The following VPS11 variants were observed in gnomAD, a reference collection of about 807,000 sequenced individuals.
VPS11 encodes the protein VPS11 core subunit of CORVET and HOPS complexes, also known as vacuolar protein sorting-associated protein 11 homolog.
A neutral mutation model predicts 106.8 loss-of-function variants in VPS11; 51 were observed. The ratio of observed to expected loss-of-function variants is 0.48; its 90% CI spans 0.38 to 0.60. VPS11 has a LOEUF of 0.60. Ranked by LOEUF, VPS11 falls within the 20% of genes least tolerant of loss-of-function variation. VPS11 has a pLI of 0.00. For missense variants in VPS11, 950 were observed against 1,190.0 expected (o/e 0.80, Z 2.97); for synonymous variants, 453 against 458.7 (o/e 0.99, Z 0.16).
chr11:119,073,912 G>A lies in VPS11; in HGVS notation c.1199G>A (p.Ser400Asn), dbSNP rs782414655. 6.2e-7 allele frequency: 1 copy of A among 1,613,506 alleles called. No homozygotes were observed. The highest frequency in any genetic ancestry group is 1.3e-5 in the African/African-American group (1 of 74,924). Residue 400 changes from serine to asparagine, a missense_variant, in exon 7 of 16, where the codon AGC becomes AAC. Physicochemically the swap from Ser to Asn is conservative, Grantham distance 46 (BLOSUM62 1). Transcript: ENST00000621676. The stretch of plus-strand genomic sequence containing the variant: ...ATGCAGTATGGAGACCATCTCTACA[G>A]CAAGGGCAACCACGATGGGGCTGTC... ...IFMQYGDHLY[S>N]KGNHDGAVQQ...
At chr11:119,080,110 G>A (rs1945794350) in intron 14 of VPS11, among the ~76,000 whole-genome samples, 1 of 152,080 alleles carries the variant, frequency 6.6e-6, no homozygotes, top group Non-Finnish European at 1.5e-5. Flanking sequence ...CCAGGCTAGA[G>A]TGCAGTGGCG....
chr11:119,079,011 CAGAT>C lies in VPS11; in HGVS notation c.2266+15_2266+18del, dbSNP rs1945747832. 5 of 1,613,636 alleles carry C rather than the reference CAGAT, an allele frequency of 3.1e-6. No homozygotes were observed. The highest frequency in any genetic ancestry group is 2.2e-5 in the East Asian group (1 of 44,898). ...CACCTCTTCTAGGTACTTGGGAAGA[CAGAT>C]GGGTGGGTGACAAGCTGCTGACAGC... On this transcript the variant is annotated intron_variant, in intron 13 of 15. Transcript: ENST00000621676.
At position 119,081,874 on chromosome 11, in the gene VPS11, T is replaced by C. The variant is rs1472142837; in HGVS notation, c.*251T>C. ...GGAGGGCACCTCAGCAACCTCTGAG[T>C]GTGGACAATAGCTGCTTTCTTCTCT... On this transcript the variant is annotated 3_prime_UTR_variant, in exon 16 of 16. Coordinates refer to ENST00000621676, the MANE Select transcript of VPS11 (RefSeq NM_021729.6). 1.9e-6 allele frequency: 1 copy of C among 521,070 alleles called. No homozygotes were observed. The highest frequency in any genetic ancestry group is 1.9e-5 in the African/African-American group (1 of 52,600). 32.3% of individuals were successfully genotyped at this position (521,070 alleles called of 1,614,324 possible).
In VPS11 at chr11:119,070,355, A is replaced by G; in HGVS notation, c.594A>G (p.Gly198=). ...PVTGLAFRQA[G]KTTHLFVVTT... ...CTGGATTGGCCTTTCGCCAAGCAGG[A>G]AAGACCACTCACTTGTTTGTTGTGA... The change falls in exon 4 of 16, where the codon GGA becomes GGG. Residue 198 remains glycine (G), a synonymous_variant. Coordinates refer to ENST00000621676, the MANE Select transcript of VPS11 (RefSeq NM_021729.6). The G allele has an allele frequency of 6.2e-7, 1 of 1,613,472 alleles. No individual in the cohort carries two copies. Among genetic ancestry groups the G allele is most frequent in the East Asian group, 2.2e-5 (1 of 44,886 alleles).
At chr11:119,079,775 A>T (rs782441732) in intron 14 of VPS11, among the ~76,000 whole-genome samples, 1 of 152,028 alleles carries the variant, frequency 6.6e-6, no homozygotes, top group African/African-American at 2.4e-5. Flanking sequence ...GGGGTTTATA[A>T]TGTTGGCCAG....
At position 119,078,299 on chromosome 11, in the gene VPS11, C is replaced by T. The variant is rs1194914467; in HGVS notation, c.1888C>T (p.Arg630Ter). The T allele has an allele frequency of 6.2e-7, 1 of 1,612,724 alleles. No individual in the cohort carries two copies. Among genetic ancestry groups the T allele is most frequent in the Non-Finnish European group, 8.5e-7 (1 of 1,179,874 alleles). Residue 630 changes from arginine to a stop codon, truncating the protein, a stop_gained, in exon 11 of 16, where the codon CGA becomes TGA. Transcript: ENST00000621676. LOFTEE classifies it high-confidence loss of function. The part of the protein sequence containing the change: ...QGIYDTLLEL[R>*]LQNWAHEKDP... ...GATCTACGACACACTCCTTGAGCTG[C>T]GACTGCAGAACTGGGCCCACGAGAA...
At chr11:119,081,426 G>T (rs782523523) in intron 15 of VPS11, 33 bp from the exon 16 acceptor site, 2 of 1,613,498 alleles carry the variant, frequency 1.2e-6, no homozygotes, top group South Asian at 2.2e-5. Context: ...CTTTGATTCT[G>T]ATTCGTATTC....
chr11:119,077,662 C>G lies in VPS11; in HGVS notation c.1572+15C>G. On this transcript the variant is annotated intron_variant, in intron 9 of 15. Coordinates refer to ENST00000621676, the MANE Select transcript of VPS11 (RefSeq NM_021729.6). The stretch of plus-strand genomic sequence containing the variant: ...AAGACATTAAGGTAGGTGAGACTGT[C>G]TTTTTTCCCCAAGAGACAGGGTCTC... The G allele has an allele frequency of 6.3e-7, 1 of 1,574,818 alleles. No homozygotes were observed.
At chr11:119,073,690 A>T in intron 6 of VPS11, 110 bp from the exon 7 acceptor site, 1 of 1,241,220 alleles carries the variant, frequency 8.1e-7, no homozygotes, top group Non-Finnish European at 1.1e-6. Context: ...TCTAGGATCT[A>T]GGCAGATCAG....
In VPS11 at chr11:119,076,096, T is replaced by C. The variant is rs192253779; in HGVS notation, c.1239-801T>C. 8.7e-4 allele frequency among the ~76,000 whole-genome samples: 132 copies of C among 151,756 alleles called. No homozygotes were observed. In the East Asian group the frequency reaches 0.015, roughly 18 times the overall value. ...CAAAAATTAGCTGGGTGTGGTGGCA[T>C]GCACCTGTAGTCCCAGCTACTCGGG... On this transcript the variant is annotated intron_variant, in intron 7 of 15. Transcript: ENST00000621676.
chr11:119,081,847 G>A lies in VPS11; in HGVS notation c.*224G>A. ...CAGTGTAGATCATTCCAGATCAGTG[G>A]GGGAGGGCACCTCAGCAACCTCTGA... On this transcript the variant is annotated 3_prime_UTR_variant, in exon 16 of 16. Coordinates refer to ENST00000621676, the MANE Select transcript of VPS11 (RefSeq NM_021729.6). The A allele has an allele frequency of 1.7e-6, 1 of 592,838 alleles. No homozygotes were observed. The highest frequency in any genetic ancestry group is 2.8e-6 in the Non-Finnish European group (1 of 353,074). 36.7% of individuals were successfully genotyped at this position (592,838 alleles called of 1,614,324 possible). A position where few individuals can be genotyped will look rare whatever the true frequency, so the allele number is the denominator to read the frequency against.
Position 119,069,237 on chromosome 11 carries a change from C to A in VPS11, c.229C>A (p.Leu77Ile). 1 of 1,614,000 alleles carries A rather than the reference C, an allele frequency of 6.2e-7. No individual in the cohort carries two copies. Among genetic ancestry groups the A allele is most frequent in the Non-Finnish European group, 8.5e-7 (1 of 1,179,896 alleles). Residue 77 changes from leucine to isoleucine, a missense_variant, in exon 2 of 16, where the codon CTT becomes ATT. Leu to Ile is a conservative substitution (Grantham distance 5, BLOSUM62 2). This residue lies in a region of VPS11 where 435 missense variants were observed against 630.2 expected (regional missense o/e 0.69). Transcript: ENST00000621676. The part of the protein sequence containing the change: ...QIWFLPRSLQ[L>I]TGFQAYKLRV... ...CTGGTTCTTGCCACGTTCCCTACAG[C>A]TTACAGGCTTCCAAGCCTACAAACT...
Position 119,081,815 on chromosome 11 carries a change from T to A in VPS11, c.*192T>A. 4.1e-6 allele frequency: 3 copies of A among 734,970 alleles called. No homozygotes were observed. The highest frequency in any genetic ancestry group is 6.5e-6 in the Non-Finnish European group (3 of 460,522). The allele number at this position is 734,970 out of a possible 1,614,324, so 45.5% of individuals were successfully genotyped here. ...TTAGTCAGCTTGCCATCCCTCCTCT[T>A]CACTAGCAGTGTAGATCATTCCAGA... On this transcript the variant is annotated 3_prime_UTR_variant, in exon 16 of 16. Transcript: ENST00000621676.
intron 3 of VPS11, 22 bp from the exon 4 acceptor site, chr11:119,070,212 T>G: frequency 6.3e-7 from 1 of 1,594,492 alleles, no homozygotes; most frequent in African/African-American, 1.3e-5. Flanking sequence ...CTTACTGAAG[T>G]AATTTTCTTG....
At chr11:119,071,930 T>G in intron 5 of VPS11, 87 bp downstream of exon 5, 3 of 1,510,552 alleles carry the variant, frequency 2.0e-6, no homozygotes, top group Non-Finnish European at 2.7e-6. Context: ...GCCTGGATAC[T>G]GCCAATCTCC....
Position 119,073,926 on chromosome 11 carries a change from G to A in VPS11, c.1213G>A (p.Asp405Asn), listed in dbSNP as rs1459874086. The stretch of plus-strand genomic sequence containing the variant: ...CCATCTCTACAGCAAGGGCAACCAC[G>A]ATGGGGCTGTCCAGCAATATATCCG... ...GDHLYSKGNH[D>N]GAVQQYIRTI... Residue 405 changes from aspartate to asparagine, a missense_variant, in exon 7 of 16, where the codon GAT becomes AAT. Asp to Asn is a conservative substitution (Grantham distance 23). This residue lies in a region of VPS11 where 435 missense variants were observed against 630.2 expected (regional missense o/e 0.69). Coordinates refer to ENST00000621676, the MANE Select transcript of VPS11 (RefSeq NM_021729.6). The A allele has an allele frequency of 1.9e-6, 3 of 1,613,240 alleles. No homozygotes were observed. Among genetic ancestry groups the A allele is most frequent in the East Asian group, 4.5e-5 (2 of 44,868 alleles).
chr11:119,074,094 T>C (rs1412122676), intron 7 of VPS11, 143 bp downstream of exon 7: 2 of 1,050,372 alleles, frequency 1.9e-6, no homozygotes, highest in African/African-American at 3.2e-5. Context: ...TTTTTGTTAG[T>C]TTTTTTTTGA....
Position 119,069,559 on chromosome 11 carries a change from C to T in VPS11, c.454C>T (p.Leu152Phe), listed in dbSNP as rs1945289335. ...ATCTTGTTTGACTGTCCATGAAAAT[C>T]TCAACTTTATGGCCATTGGTAAACA... Reference protein sequence around the residue: ...VVSCLTVHENLNFMAIGFTDG... With the variant: ...VVSCLTVHENFNFMAIGFTDG... Residue 152 changes from leucine (L) to phenylalanine (F), a missense_variant, in exon 3 of 16, where the codon CTC (leucine) becomes TTC (phenylalanine). Physicochemically the swap from Leu to Phe is conservative, Grantham distance 22 (BLOSUM62 0). Around this residue, in one of 3 missense-constraint regions of VPS11, gnomAD observed 435 missense variants for 630.2 expected, o/e 0.69. Coordinates refer to ENST00000621676, the MANE Select transcript of VPS11 (RefSeq NM_021729.6). 3.7e-6 allele frequency: 6 copies of T among 1,613,870 alleles called. No homozygotes were observed. In the East Asian group the frequency reaches 8.9e-5, roughly 24 times the overall value.
rs1945828999 is a variant in VPS11 at position 119,081,020 on chromosome 11, C to T, written c.2439-72C>T. On this transcript the variant is annotated intron_variant, in intron 14 of 15. Transcript: ENST00000621676. ...ACCTTGCCCTGTGCACTTCAGCTGC[C>T]TTCTTTCTCATCCTTGACTCCTGGC... The T allele has an allele frequency of 2.1e-5, 30 of 1,422,988 alleles. 1 individual carries two copies. In the South Asian group the frequency reaches 3.4e-4, roughly 16 times the overall value. The allele number at this position is 1,422,988 out of a possible 1,614,324, so 88.1% of individuals were successfully genotyped here.
Sources: allele counts gnomAD v4.1 joint callset (sites outside exome capture counted in the v4.1 genomes callset), GRCh38; gene constraint gnomAD v4.1.1; regional missense constraint gnomAD v4.1.1; transcripts MANE v1.5; gene names NCBI Gene and HGNC (gene_info 2026-07-23, HGNC 2026-07-21).